The following NALF1 variants were observed in gnomAD, a reference collection of about 807,000 sequenced individuals.
NALF1 encodes family with sequence similarity 155 member A.
In NALF1, 3 loss-of-function variants were observed where a neutral mutation model predicts 48.4. The ratio of observed to expected loss-of-function variants is 0.06; its 90% CI spans 0.03 to 0.16. The LOEUF is 0.16. NALF1 is among the 10% of genes least tolerant of loss of function. The probability of loss-of-function intolerance (pLI) is 1.00; values close to 1 mark genes in which losing one functional copy is unlikely to be tolerated. For missense variants in NALF1, 526 were observed against 571.5 expected, an observed-to-expected ratio of 0.92 and a Z score of 0.81; for synonymous variants, 262 against 245.7, an observed-to-expected ratio of 1.07 and a Z score of -0.62.
At chr13:107,684,556 G>C (rs918168483) in intron 1 of NALF1, among the ~76,000 whole-genome samples, 3 of 152,152 alleles carry the variant, frequency 2.0e-5, no homozygotes, top group African/African-American at 7.2e-5. Context: ...GAGTGGGCCA[G>C]GAAAGAATTA....
chr13:107,179,721 G>A (rs1452294865), intron 2 of NALF1, among the ~76,000 whole-genome samples: 4 of 151,434 alleles, frequency 2.6e-5, no homozygotes, highest in African/African-American at 9.7e-5. Flanking sequence ...CTAGAGGCTG[G>A]AAGTCTGAGA....
chr13:107,743,902 T>C (rs2138546512), intron 1 of NALF1, among the ~76,000 whole-genome samples: 2 of 152,272 alleles, frequency 1.3e-5, no homozygotes, highest in South Asian at 4.1e-4. Flanking sequence ...AACAGCATCA[T>C]CAGAAAGTGC....
At chr13:107,654,759 A>C (rs976420766) in intron 1 of NALF1, among the ~76,000 whole-genome samples, 1 of 152,118 alleles carries the variant, frequency 6.6e-6, no homozygotes, top group Admixed American at 6.6e-5. Context: ...ATAAAATACT[A>C]GCAAAATGAG....
intron 1 of NALF1, among the ~76,000 whole-genome samples, chr13:107,576,414 C>A (rs1292864835): frequency 6.6e-6 from 1 of 152,098 alleles, no homozygotes; most frequent in Non-Finnish European, 1.5e-5. Context: ...TTTGCTTGGA[C>A]TAAGTTTATA....
Position 107,175,075 on chromosome 13 carries a change from G to C in NALF1, c.1088-4289C>G, listed in dbSNP as rs1426755691. 9.4e-5 allele frequency among the ~76,000 whole-genome samples: 11 copies of C among 116,838 alleles called. No individual in the cohort carries two copies. In the East Asian group the frequency reaches 2.4e-3, roughly 26 times the overall value. 76.7% of individuals were successfully genotyped at this position (116,838 alleles called of 152,430 possible). A position where few individuals can be genotyped will look rare whatever the true frequency, so the allele number is the denominator to read the frequency against. On this transcript the variant is annotated intron_variant, in intron 2 of 2. Transcript: ENST00000375915. ...ACTTTTTTTTTTTGTATTTTTAGTA[G>C]AGACGGGGTTTCATCGTGTTAGCCA...
intron 1 of NALF1, among the ~76,000 whole-genome samples, chr13:107,706,371 A>C (rs1188079125): frequency 1.3e-5 from 2 of 152,214 alleles, no homozygotes; most frequent in East Asian, 1.9e-4. Flanking sequence ...GCAGCTCTGG[A>C]AGACAGATTC....
chr13:107,524,765 T>C (rs1198928414), intron 1 of NALF1, among the ~76,000 whole-genome samples: 1 of 152,054 alleles, frequency 6.6e-6, no homozygotes, highest in Non-Finnish European at 1.5e-5. Flanking sequence ...CCTTGGCAAT[T>C]TCAGGAACTC....
At chr13:107,674,547 C>T (rs1310700722) in intron 1 of NALF1, among the ~76,000 whole-genome samples, 2 of 152,086 alleles carry the variant, frequency 1.3e-5, no homozygotes, top group South Asian at 2.1e-4. Flanking sequence ...TCTTAAATAG[C>T]ATTTATTGAG....
intron 1 of NALF1, among the ~76,000 whole-genome samples, chr13:107,233,730 A>G (rs1880277963): frequency 6.6e-6 from 1 of 152,334 alleles, no homozygotes; most frequent in South Asian, 2.1e-4. Flanking sequence ...AACAATCAAT[A>G]CTGTACTAGC....
intron 1 of NALF1, among the ~76,000 whole-genome samples, chr13:107,658,702 C>A (rs1377817390): frequency 1.3e-5 from 2 of 152,100 alleles, no homozygotes; most frequent in East Asian, 3.9e-4. Context: ...TTCCCTCACT[C>A]CCGCTCCACT....
chr13:107,675,865 A>T (rs548651842), intron 1 of NALF1, among the ~76,000 whole-genome samples: 3 of 152,316 alleles, frequency 2.0e-5, no homozygotes, highest in African/African-American at 7.2e-5. Flanking sequence ...TGCATTTTCC[A>T]TACCTTCTTC....
At chr13:107,642,539 C>A (rs1880187867) in intron 1 of NALF1, among the ~76,000 whole-genome samples, 1 of 152,156 alleles carries the variant, frequency 6.6e-6, no homozygotes, top group Non-Finnish European at 1.5e-5. Flanking sequence ...ACAATCAATT[C>A]TTGATATTTA....
rs1335604714 is a variant in NALF1, at chr13:107,521,712, C to T, written c.916-310957G>A. Among the ~76,000 whole-genome samples, 13 of 152,192 alleles carry T rather than the reference C, an allele frequency of 8.5e-5. No individual in the cohort carries two copies. The East Asian group carries it at 2.1e-3, about 25-fold the overall frequency. Reference sequence around the variant, plus strand: ...CTCTCATCAGCTGGTTAGTGGGTGGCTAGCCCAGTGTCCCACAGTTTAAAG... The same window carrying T: ...CTCTCATCAGCTGGTTAGTGGGTGGTTAGCCCAGTGTCCCACAGTTTAAAG... On this transcript the variant is annotated intron_variant, in intron 1 of 2. Coordinates refer to ENST00000375915, the MANE Select transcript of NALF1 (RefSeq NM_001080396.3).
intron 1 of NALF1, among the ~76,000 whole-genome samples, chr13:107,608,980 A>C (rs1024425161): frequency 1.3e-5 from 2 of 152,282 alleles, no homozygotes; most frequent in South Asian, 2.1e-4. Context: ...GCCTTCAAGG[A>C]GTTCACAGTG....
At chr13:107,403,172 G>C (rs577953546) in intron 1 of NALF1, among the ~76,000 whole-genome samples, 57 of 96,960 alleles carry the variant, frequency 5.9e-4, no homozygotes, top group African/African-American at 2.2e-3. Context: ...CTTCTGCTTG[G>C]TTTCTCTTGT....
At chr13:107,380,262 T>C (rs994344615) in intron 1 of NALF1, among the ~76,000 whole-genome samples, 7 of 152,236 alleles carry the variant, frequency 4.6e-5, no homozygotes, top group Non-Finnish European at 8.8e-5. Context: ...ATGTTAATTT[T>C]TGCACACTTG....
At chr13:107,174,541 G>C (rs1051933696) in intron 2 of NALF1, among the ~76,000 whole-genome samples, 1 of 151,822 alleles carries the variant, frequency 6.6e-6, no homozygotes, top group Non-Finnish European at 1.5e-5. Context: ...ATTTTTAGTA[G>C]AGACAGGGTT....
At chr13:107,175,254 T>C (rs189402700) in intron 2 of NALF1, among the ~76,000 whole-genome samples, 2 of 149,054 alleles carry the variant, frequency 1.3e-5, no homozygotes, top group East Asian at 3.9e-4. Context: ...CCCCAGTCTC[T>C]GGGATGGGAG....
At chr13:107,708,476 G>T (rs1284414649) in intron 1 of NALF1, among the ~76,000 whole-genome samples, 1 of 149,146 alleles carries the variant, frequency 6.7e-6, no homozygotes, top group African/African-American at 2.5e-5. Context: ...TTAAATATCT[G>T]GGGTAGGACT....
Sources: gnomAD v4.1 joint callset for allele counts (sites outside exome capture counted in the v4.1 genomes callset) on GRCh38, gnomAD v4.1.1 for gene constraint, MANE v1.5 for transcripts, NCBI Gene and HGNC (gene_info 2026-07-23, HGNC 2026-07-21) for gene names.